Variants in BSN observed in about 807,000 individuals in gnomAD.
The protein encoded by BSN is protein bassoon.
BSN carries 57 observed loss-of-function variants against 264.8 expected under a neutral mutation model. The observed-to-expected ratio is 0.22, with a 90% confidence interval of 0.17 to 0.27. The LOEUF is 0.27. Ranked by LOEUF, BSN falls within the 10% of genes least tolerant of loss-of-function variation. The pLI is 1.00. For missense variants in BSN, 4,615 were observed against 5,232.5 expected (o/e 0.88, Z 3.64); for synonymous variants, 2,059 against 2,137.3 (o/e 0.96, Z 1.01).
rs1452452658 is a variant in BSN, at chr3:49,664,451, A to G, written c.11637A>G (p.Gly3879=). 6.2e-7 allele frequency: 1 copy of G among 1,613,554 alleles called. No individual in the cohort carries two copies. Among genetic ancestry groups the G allele is most frequent in the Non-Finnish European group, 8.5e-7 (1 of 1,179,958 alleles). Reference sequence around the variant, plus strand: ...TGAAGGCTGGAGCCAGGCCTGGAGGAACCCCAGGGGCTCCCGCCGGCCAGC... The same window carrying G: ...TGAAGGCTGGAGCCAGGCCTGGAGGGACCCCAGGGGCTCCCGCCGGCCAGC... The part of the protein sequence containing the change: ...AGVKAGARPG[G]TPGAPAGQPG... Residue 3879 remains glycine (G), a synonymous_variant, in exon 9 of 12, where the codon GGA becomes GGG. Transcript: ENST00000296452.
chr3:49,614,348 C>T (rs537652275), intron 1 of BSN, among the ~76,000 whole-genome samples: 6 of 152,154 alleles, frequency 3.9e-5, no homozygotes, highest in Non-Finnish European at 7.3e-5. Flanking sequence ...CGTGAGCCAC[C>T]GCGCCCGGCC....
At chr3:49,602,762 T>C (rs914238405) in intron 1 of BSN, among the ~76,000 whole-genome samples, 1 of 152,154 alleles carries the variant, frequency 6.6e-6, no homozygotes, top group African/African-American at 2.4e-5. Flanking sequence ...TAAATCTCAA[T>C]TTCCTCGTCT....
In BSN at chr3:49,580,448, T is replaced by C. The variant is rs535042827; in HGVS notation, c.224+25622T>C. Among the ~76,000 whole-genome samples the C allele has an allele frequency of 9.9e-4, 151 of 152,228 alleles. 1 individual carries two copies. The highest frequency in any genetic ancestry group is 1.8e-3 in the Non-Finnish European group (121 of 68,024). On this transcript the variant is annotated intron_variant, in intron 1 of 11. Transcript: ENST00000296452. Reference sequence around the variant, plus strand: ...GGTTTATTACGTATTACATTATAAATTTTTTTAGGATCTTGCTCTGTCACC... The same window carrying C: ...GGTTTATTACGTATTACATTATAAACTTTTTTAGGATCTTGCTCTGTCACC...
rs1382636085 is a variant in BSN, at chr3:49,653,442, G to A, written c.3886G>A (p.Ala1296Thr). 1 of 1,614,030 alleles carries A rather than the reference G, an allele frequency of 6.2e-7. No homozygotes were observed. Among genetic ancestry groups the A allele is most frequent in the Admixed American group, 1.7e-5 (1 of 60,034 alleles). Residue 1296 changes from alanine to threonine, a missense_variant, in exon 5 of 12, where the codon GCA (alanine) becomes ACA (threonine). Physicochemically the swap from Ala to Thr is moderately conservative, Grantham distance 58. This residue lies in a region of BSN where 3,415 missense variants were observed against 3,866.4 expected (regional missense o/e 0.88). Coordinates refer to ENST00000296452, the MANE Select transcript of BSN (RefSeq NM_003458.4). This position sits in a 1 kb window ranked among gnomAD's most constrained non-coding sequence, Gnocchi z 6.3. ...GAAGCAGTTTCTAAATGCTGAGAGT[G>A]CATACATGGACCCAATGAAGCAAAA... is the stretch of plus-strand genomic sequence containing the variant. ...KEKQFLNAES[A>T]YMDPMKQNGG...
rs1449725707 is a variant in BSN, at chr3:49,654,383, A to G, written c.4827A>G (p.Pro1609=). The stretch of plus-strand genomic sequence containing the variant: ...GTGTGTCTCAGCTGCCCCCAGAGCC[A>G]CCTGGGCCACCTGGCTTTCCACGGG... ...PPSVSQLPPE[P]PGPPGFPRVP... Residue 1609 remains proline (P), a synonymous_variant, in exon 5 of 12, where the codon CCA becomes CCG. Coordinates refer to ENST00000296452, the MANE Select transcript of BSN (RefSeq NM_003458.4). The surrounding 1 kb of genome is among the most constrained non-coding windows in gnomAD (Gnocchi z 4.1). 1.2e-6 allele frequency: 2 copies of G among 1,605,484 alleles called. No individual in the cohort carries two copies. Among genetic ancestry groups the G allele is most frequent in the Non-Finnish European group, 1.7e-6 (2 of 1,176,502 alleles).
chr3:49,590,684 T>C (rs1037662173), intron 1 of BSN, among the ~76,000 whole-genome samples: 1 of 152,050 alleles, frequency 6.6e-6, no homozygotes, highest in Non-Finnish European at 1.5e-5. Context: ...GCTATTGTTA[T>C]ATATATTATA....
At position 49,651,748 on chromosome 3, in the gene BSN, T is replaced by C. The variant is rs141739168; in HGVS notation, c.2192T>C (p.Met731Thr). The C allele has an allele frequency of 5.0e-6, 8 of 1,612,732 alleles. No individual in the cohort carries two copies. Among genetic ancestry groups the C allele is most frequent in the Middle Eastern group, 1.7e-4 (1 of 6,060 alleles). The change falls in exon 5 of 12, where the codon ATG (methionine) becomes ACG (threonine). Residue 731 changes from methionine (M) to threonine (T), a missense_variant. By Grantham distance (81) the Met-to-Thr change is moderately conservative. Transcript: ENST00000296452. This position sits in a 1 kb window ranked among gnomAD's most constrained non-coding sequence, Gnocchi z 5.4. ...GAGATCCACAAGGTGGGGAGCAGCATGCGGCCTTTGCTGCAGGCCCAGGGC... is the reference window on the plus strand; with the variant it reads ...GAGATCCACAAGGTGGGGAGCAGCACGCGGCCTTTGCTGCAGGCCCAGGGC... ...PSEIHKVGSSMRPLLQAQGLA... is the reference protein window; with the variant it reads ...PSEIHKVGSSTRPLLQAQGLA...
At position 49,669,864 on chromosome 3, in the gene BSN, C is replaced by T. The variant is rs1354888515; in HGVS notation, c.*2379C>T. 6.5e-6 allele frequency: 1 copy of T among 152,680 alleles called. No individual in the cohort carries two copies. The highest frequency in any genetic ancestry group is 6.5e-5 in the Admixed American group (1 of 15,294). 9.5% of individuals were successfully genotyped at this position (152,680 alleles called of 1,614,324 possible). ...CCCCCTTCTCCAAAGCCCAAGCGTC[C>T]CGCTGCTCATCAGCTTTTTTACCAT... On this transcript the variant is annotated 3_prime_UTR_variant, in exon 12 of 12. Transcript: ENST00000296452.
Position 49,650,713 on chromosome 3 carries a change from T to A in BSN, c.1620T>A (p.Pro540=), listed in dbSNP as rs1366468056. 2 of 1,612,958 alleles carry A rather than the reference T, an allele frequency of 1.2e-6. No homozygotes were observed. Among genetic ancestry groups the A allele is most frequent in the African/African-American group, 2.7e-5 (2 of 74,890 alleles). Residue 540 remains proline (P), a synonymous_variant, in exon 4 of 12, where the codon CCT becomes CCA. Coordinates refer to ENST00000296452, the MANE Select transcript of BSN (RefSeq NM_003458.4). ...PLPPPTSQQP[P]VGAPHRASGT... ...CGCCGCCCACCTCACAGCAGCCCCC[T>A]GTAGGGGCCCCTCACCGTGCATCTG...
In BSN at chr3:49,654,695, C is replaced by G; in HGVS notation, c.5139C>G (p.Pro1713=). 1 of 1,613,774 alleles carries G rather than the reference C, an allele frequency of 6.2e-7. No individual in the cohort carries two copies. The highest frequency in any genetic ancestry group is 1.6e-4 in the Middle Eastern group (1 of 6,062). The change falls in exon 5 of 12, where the codon CCC becomes CCG. Residue 1713 remains proline, a synonymous_variant. Transcript: ENST00000296452. The surrounding 1 kb of genome is among the most constrained non-coding windows in gnomAD (Gnocchi z 4.1). ...IPGRQSTAVQ[P]LVINLNAQEH... ...GACGGCAGTCGACCGCCGTGCAGCC[C>G]TTGGTTATCAACCTCAATGCCCAGG...
At chr3:49,596,596 C>G (rs935555602) in intron 1 of BSN, among the ~76,000 whole-genome samples, 10 of 152,270 alleles carry the variant, frequency 6.6e-5, no homozygotes, top group Admixed American at 2.0e-4. Flanking sequence ...CTCAAGCAAT[C>G]CTCCTGCCTC....
downstream of BSN, among the ~76,000 whole-genome samples, chr3:49,672,816 G>C (rs2108109554): frequency 7.7e-6 from 1 of 130,626 alleles, no homozygotes; most frequent in Non-Finnish European, 1.6e-5. Flanking sequence ...GACTCTGGCT[G>C]TCGCCCAGGA....
At chr3:49,650,493 G>A (rs1044715549) in intron 3 of BSN, 119 bp from the exon 4 acceptor site, 10 of 937,310 alleles carry the variant, frequency 1.1e-5, no homozygotes, top group Non-Finnish European at 1.6e-5. Context: ...TTATGTCTTT[G>A]GTGTTATGCT....
chr3:49,659,110 A>T (rs1307254494), intron 5 of BSN, among the ~76,000 whole-genome samples: 1 of 152,156 alleles, frequency 6.6e-6, no homozygotes, highest in African/African-American at 2.4e-5. Context: ...CGTAAGGTAG[A>T]TTTGCCCATT....
At chr3:49,609,799 G>A (rs575769769) in intron 1 of BSN, among the ~76,000 whole-genome samples, 19 of 152,290 alleles carry the variant, frequency 1.2e-4, no homozygotes, top group African/African-American at 4.6e-4. Context: ...CTCTGTACCA[G>A]ACTTCAGAGT....
At chr3:49,658,504 C>T (rs2052629921) in intron 5 of BSN, among the ~76,000 whole-genome samples, 1 of 152,210 alleles carries the variant, frequency 6.6e-6, no homozygotes, top group African/African-American at 2.4e-5. Flanking sequence ...GCCCCTGCTA[C>T]CTCCCCCTTT....
intron 2 of BSN, among the ~76,000 whole-genome samples, chr3:49,629,072 G>C (rs1028997397): frequency 6.6e-6 from 1 of 152,158 alleles, no homozygotes; most frequent in Non-Finnish European, 1.5e-5. Context: ...CTGATGCCAG[G>C]GGGCCAGAGG....
intron 10 of BSN, 27 bp downstream of exon 10, chr3:49,664,880 C>T (rs1385221939): frequency 2.0e-6 from 3 of 1,518,296 alleles, no homozygotes; most frequent in Admixed American, 1.7e-5. Flanking sequence ...TGTACCTTGC[C>T]TCTTCTGGGA....
Position 49,625,297 on chromosome 3 carries a change from A to C in BSN, c.547A>C (p.Ser183Arg). ...GACTTCGGACCTCACGTCGACCCCC[A>C]GCCAGCCAAACTTCAACACCTGCAC... is the stretch of plus-strand genomic sequence containing the variant. ...CKTSDLTSTP[S>R]QPNFNTCTQC... is the part of the protein sequence containing the mutation. The change falls in exon 2 of 12, where the codon AGC becomes CGC. Residue 183 changes from serine to arginine, a missense_variant. Coordinates refer to ENST00000296452, the MANE Select transcript of BSN (RefSeq NM_003458.4). The surrounding 1 kb of genome is among the most constrained non-coding windows in gnomAD (Gnocchi z 4.4). The C allele has an allele frequency of 6.2e-7, 1 of 1,601,422 alleles. No individual in the cohort carries two copies.
Sources: allele counts gnomAD v4.1 joint callset (sites outside exome capture counted in the v4.1 genomes callset), GRCh38; gene constraint gnomAD v4.1.1; regional missense constraint gnomAD v4.1.1; non-coding constraint Gnocchi (gnomAD v3.1); transcripts MANE v1.5; gene names NCBI Gene and HGNC (gene_info 2026-07-23, HGNC 2026-07-21).